Variants in RAP1GAP2 observed in about 807,000 individuals in gnomAD.
The protein encoded by RAP1GAP2 is rap1 GTPase-activating protein 2.
Under a neutral mutation model 95.0 loss-of-function variants are expected in RAP1GAP2, and 27 were observed. The ratio of observed to expected loss-of-function variants is 0.28; its 90% CI spans 0.21 to 0.39. The LOEUF (loss-of-function observed/expected upper bound fraction) is 0.39. Ranked by LOEUF, RAP1GAP2 falls within the 10% of genes least tolerant of loss-of-function variation. RAP1GAP2 has a pLI of 1.00. For missense variants in RAP1GAP2, 771 were observed against 970.0 expected, an observed-to-expected ratio of 0.79 and a Z score of 2.72; for synonymous variants, 373 against 380.9, an observed-to-expected ratio of 0.98 and a Z score of 0.24.
chr17:2,758,185 T>C (rs1002229432), intron 1 of RAP1GAP2, among the ~76,000 whole-genome samples: 2 of 135,980 alleles, frequency 1.5e-5, no homozygotes, highest in African/African-American at 5.5e-5. Flanking sequence ...CCCCCCCTTT[T>C]TTTTTTTTAA....
At chr17:2,928,348 G>T (rs2043033635) in intron 3 of RAP1GAP2, among the ~76,000 whole-genome samples, 1 of 152,134 alleles carries the variant, frequency 6.6e-6, no homozygotes, top group Non-Finnish European at 1.5e-5. Context: ...ATCTGCTTCT[G>T]TCCGGTTCTA....
chr17:2,998,163 A>T lies in RAP1GAP2; in HGVS notation c.1045-58A>T, dbSNP rs957050043. On this transcript the variant is annotated intron_variant, in intron 13 of 24. Transcript: ENST00000254695. ...AGGAAAGTGAACCCACTCTTTCCCC[A>T]AAACATCTTTCATGATTTTCCTAAC... The T allele has an allele frequency of 6.5e-5, 102 of 1,563,646 alleles. No individual in the cohort carries two copies. The Admixed American group carries it at 1.7e-3, about 26-fold the overall frequency.
chr17:2,778,263 AAG>A (rs1418445330), intron 1 of RAP1GAP2, among the ~76,000 whole-genome samples: 1 of 150,618 alleles, frequency 6.6e-6, no homozygotes, highest in Non-Finnish European at 1.5e-5. Context: ...CCCAGATATC[AAG>A]TAGTTGGAGA....
chr17:2,836,383 G>A (rs188174703), intron 2 of RAP1GAP2, among the ~76,000 whole-genome samples: 112 of 152,254 alleles, frequency 7.4e-4, no homozygotes, highest in Non-Finnish European at 1.4e-3. Context: ...TGTAATCTCA[G>A]GACTTGGGGA....
chr17:3,026,738 G>A (rs2047129875), intron 21 of RAP1GAP2, among the ~76,000 whole-genome samples: 1 of 152,220 alleles, frequency 6.6e-6, no homozygotes, highest in African/African-American at 2.4e-5. Flanking sequence ...GTGGTGAGTG[G>A]CCAGTGCCCC....
intron 1 of RAP1GAP2, among the ~76,000 whole-genome samples, chr17:2,767,359 T>TA (rs397857982): frequency 0.11 from 5,963 of 53,718 alleles, 823 homozygotes; most frequent in Middle Eastern, 0.22. Context: ...GAGACTCTGT[T>TA]AAAAAAAAAA....
intron 2 of RAP1GAP2, among the ~76,000 whole-genome samples, chr17:2,885,028 CTTTTTTTTT>C (rs891984333): frequency 8.9e-6 from 1 of 112,506 alleles, no homozygotes; most frequent in Non-Finnish European, 1.8e-5. Context: ...TTATTTCTTT[CTTTTTTTTT>C]TTTTTTTTTT....
In RAP1GAP2 at chr17:2,902,923, T is replaced by C. The variant is rs776048071; in HGVS notation, c.81-2361T>C. Among the ~76,000 whole-genome samples the C allele has an allele frequency of 6.6e-6, 1 of 152,166 alleles. No homozygotes were observed. Among genetic ancestry groups the C allele is most frequent in the Non-Finnish European group, 1.5e-5 (1 of 68,030 alleles). Reference sequence around the variant, plus strand: ...CCTGGTGCCATGAGCGTGGACACCTTGTGCCTGATGGGGAAAAATAGACAG... The same window carrying C: ...CCTGGTGCCATGAGCGTGGACACCTCGTGCCTGATGGGGAAAAATAGACAG... On this transcript the variant is annotated intron_variant, in intron 2 of 24. Transcript: ENST00000254695. The surrounding 1 kb of genome is among the most constrained non-coding windows in gnomAD (Gnocchi z 4.1).
At chr17:2,917,356 T>A (rs1278754435) in intron 3 of RAP1GAP2, among the ~76,000 whole-genome samples, 1 of 151,672 alleles carries the variant, frequency 6.6e-6, no homozygotes, top group African/African-American at 2.4e-5. Flanking sequence ...CTGCAACCTC[T>A]GCCTCCCGGG....
chr17:2,828,616 C>T (rs973549681), intron 2 of RAP1GAP2, among the ~76,000 whole-genome samples: 2 of 152,098 alleles, frequency 1.3e-5, no homozygotes, highest in African/African-American at 4.8e-5. Context: ...GCAGGTGGCA[C>T]TGTTGGCCCA....
rs1422699577 is a variant in RAP1GAP2, at chr17:2,920,867, C to T, written c.165+15499C>T. 2.6e-5 allele frequency among the ~76,000 whole-genome samples: 4 copies of T among 152,284 alleles called. No homozygotes were observed. In the East Asian group the frequency reaches 7.7e-4, roughly 29 times the overall value. On this transcript the variant is annotated intron_variant, in intron 3 of 24. Coordinates refer to ENST00000254695, the MANE Select transcript of RAP1GAP2 (RefSeq NM_015085.5). ...GATGCTGCCAGATTCTGTGTTCTGCCACCCACCCCCATCCGCTACCCTCTT... is the reference window on the plus strand; with the variant it reads ...GATGCTGCCAGATTCTGTGTTCTGCTACCCACCCCCATCCGCTACCCTCTT...
intron 3 of RAP1GAP2, among the ~76,000 whole-genome samples, chr17:2,917,096 T>C (rs1038475384): frequency 6.6e-6 from 1 of 152,194 alleles, no homozygotes; most frequent in African/African-American, 2.4e-5. Context: ...TTCTTTCCTT[T>C]GGATTGGCCA....
intron 1 of RAP1GAP2, among the ~76,000 whole-genome samples, chr17:2,780,649 C>T (rs2068624223): frequency 6.6e-6 from 1 of 152,234 alleles, no homozygotes. Context: ...AAGGTCACTG[C>T]GTTCATCCCT....
intron 17 of RAP1GAP2, among the ~76,000 whole-genome samples, chr17:3,011,307 C>T (rs2046534748): frequency 6.6e-6 from 1 of 152,202 alleles, no homozygotes; most frequent in Non-Finnish European, 1.5e-5. Flanking sequence ...GCCCTCACAT[C>T]TCCCAAGCAT....
intron 2 of RAP1GAP2, among the ~76,000 whole-genome samples, chr17:2,879,405 T>G (rs8070504): frequency 2.0e-5 from 3 of 151,926 alleles, no homozygotes; most frequent in Non-Finnish European, 2.9e-5. Context: ...CGTGAGCCAC[T>G]GCGCCCGGCC....
intron 14 of RAP1GAP2, among the ~76,000 whole-genome samples, chr17:3,002,569 C>A (rs957940036): frequency 1.3e-4 from 20 of 152,342 alleles, no homozygotes; most frequent in Admixed American, 1.3e-3. Context: ...CCTTAGCTGG[C>A]CCCTGCAGGC....
rs140984736 is a variant in RAP1GAP2, at chr17:2,889,839, C to T, written c.81-15445C>T. Among the ~76,000 whole-genome samples the T allele has an allele frequency of 1.1e-3, 148 of 139,794 alleles. No individual in the cohort carries two copies. The East Asian group carries it at 0.012, about 12-fold the overall frequency. The allele number at this position is 139,794 out of a possible 152,430, so 91.7% of individuals were successfully genotyped here. ...CTGGGACTACAGGCGCACGCCACCA[C>T]GCCTGGCTAATTTTTATGTGTGTGT... On this transcript the variant is annotated intron_variant, in intron 2 of 24. Coordinates refer to ENST00000254695, the MANE Select transcript of RAP1GAP2 (RefSeq NM_015085.5).
At chr17:2,919,553 G>C (rs946632170) in intron 3 of RAP1GAP2, among the ~76,000 whole-genome samples, 3 of 152,124 alleles carry the variant, frequency 2.0e-5, no homozygotes, top group African/African-American at 7.2e-5. Flanking sequence ...AACACGGGAA[G>C]TGGGGGCAGG....
At chr17:2,815,512 C>T (rs1470696115) in intron 2 of RAP1GAP2, among the ~76,000 whole-genome samples, 6 of 147,646 alleles carry the variant, frequency 4.1e-5, no homozygotes, top group Non-Finnish European at 6.0e-5. Context: ...GACAGAGTCT[C>T]GCTTTGTCAC....
Sources: allele counts gnomAD v4.1 joint callset (sites outside exome capture counted in the v4.1 genomes callset), GRCh38; gene constraint gnomAD v4.1.1; non-coding constraint Gnocchi (gnomAD v3.1); transcripts MANE v1.5; gene names NCBI Gene and HGNC (gene_info 2026-07-23, HGNC 2026-07-21).